The following CDH13 variants were observed in gnomAD, a reference collection of about 807,000 sequenced individuals.
CDH13 encodes the protein cadherin-13.
In CDH13, 24 loss-of-function variants were observed where a neutral mutation model predicts 63.8. The ratio of observed to expected loss-of-function variants is 0.38; its 90% confidence interval spans 0.27 to 0.53. CDH13 has a LOEUF of 0.53. Ranked by LOEUF, CDH13 falls within the 20% of genes least tolerant of loss-of-function variation. CDH13 has a pLI of 0.85. For synonymous variants in CDH13, 503 were observed against 355.3 expected, an observed-to-expected ratio of 1.42 and a Z score of -4.67; for missense variants, 1,049 against 903.1, an observed-to-expected ratio of 1.16 and a Z score of -2.07.
At chr16:83,180,572 C>A (rs2038310759) in intron 4 of CDH13, among the ~76,000 whole-genome samples, 1 of 152,156 alleles carries the variant, frequency 6.6e-6, no homozygotes, top group Admixed American at 6.5e-5. Flanking sequence ...TCTTCAGTTA[C>A]AACCTAAAAG....
chr16:82,671,212 C>T (rs1057061240), intron 1 of CDH13, among the ~76,000 whole-genome samples: 3 of 152,270 alleles, frequency 2.0e-5, no homozygotes, highest in Non-Finnish European at 4.4e-5. Flanking sequence ...GAAAAAAGAA[C>T]ACAACTGTGT....
chr16:83,560,163 G>C (rs1007844371), intron 7 of CDH13, among the ~76,000 whole-genome samples: 11 of 152,160 alleles, frequency 7.2e-5, no homozygotes, highest in African/African-American at 1.4e-4. Flanking sequence ...GCAAAGGCAA[G>C]AACGAGATAG....
intron 4 of CDH13, among the ~76,000 whole-genome samples, chr16:83,212,473 C>G (rs181437353): frequency 3.9e-5 from 6 of 152,294 alleles, no homozygotes; most frequent in East Asian, 1.9e-4. Context: ...CATGGGGTGC[C>G]TTTAACACAC....
chr16:83,472,141 G>T (rs551740046), intron 6 of CDH13, among the ~76,000 whole-genome samples: 1 of 152,264 alleles, frequency 6.6e-6, no homozygotes, highest in Non-Finnish European at 1.5e-5. Context: ...ACCCCATCAG[G>T]TGAAAACCAT....
At chr16:82,716,823 G>A (rs1012915357) in intron 1 of CDH13, among the ~76,000 whole-genome samples, 2 of 151,706 alleles carry the variant, frequency 1.3e-5, no homozygotes, top group African/African-American at 2.4e-5. Context: ...AGCCAAGCAC[G>A]TGATAACTAT....
intron 7 of CDH13, among the ~76,000 whole-genome samples, chr16:83,504,345 A>C (rs1371757417): frequency 6.6e-6 from 1 of 152,156 alleles, no homozygotes; most frequent in Non-Finnish European, 1.5e-5. Flanking sequence ...TTCTCTTCTG[A>C]AGATCTGCTG....
At chr16:83,140,600 C>T (rs1012570429) in intron 4 of CDH13, among the ~76,000 whole-genome samples, 6 of 152,088 alleles carry the variant, frequency 3.9e-5, no homozygotes, top group African/African-American at 1.4e-4. Flanking sequence ...ATTACAGGCG[C>T]CTGCCACCAT....
intron 2 of CDH13, among the ~76,000 whole-genome samples, chr16:82,979,106 A>G (rs944588387): frequency 1.3e-5 from 2 of 152,336 alleles, no homozygotes; most frequent in South Asian, 2.1e-4. Flanking sequence ...CTAGACTTGC[A>G]TGGGGCCTGT....
chr16:82,700,716 G>T (rs1286906957), intron 1 of CDH13, among the ~76,000 whole-genome samples: 1 of 152,046 alleles, frequency 6.6e-6, no homozygotes, highest in Non-Finnish European at 1.5e-5. Context: ...CCTGTTTTGA[G>T]TCTCACCCTC....
At chr16:83,435,776 G>A (rs1281103780) in intron 6 of CDH13, among the ~76,000 whole-genome samples, 1 of 152,168 alleles carries the variant, frequency 6.6e-6, no homozygotes, top group South Asian at 2.1e-4. Context: ...CCCTCTCTCC[G>A]TGTTCACTAG....
chr16:83,052,633 AG>A (rs2030467208), intron 3 of CDH13, among the ~76,000 whole-genome samples: 1 of 152,088 alleles, frequency 6.6e-6, no homozygotes, highest in African/African-American at 2.4e-5. Flanking sequence ...TACAAAAATT[AG>A]CCAGGCATGG....
intron 6 of CDH13, among the ~76,000 whole-genome samples, chr16:83,440,611 C>T (rs549166710): frequency 2.0e-5 from 3 of 152,048 alleles, no homozygotes; most frequent in African/African-American, 7.2e-5. Flanking sequence ...ATGGTGAAAC[C>T]GTATCTCTAC....
chr16:83,128,228 G>A (rs1021739258), intron 4 of CDH13, among the ~76,000 whole-genome samples: 1 of 152,140 alleles, frequency 6.6e-6, no homozygotes, highest in African/African-American at 2.4e-5. Context: ...AAATATCCGA[G>A]GTGATTCAGA....
At chr16:83,197,465 G>A (rs527946027) in intron 4 of CDH13, among the ~76,000 whole-genome samples, 22 of 152,170 alleles carry the variant, frequency 1.4e-4, no homozygotes, top group Non-Finnish European at 2.9e-4. Context: ...TGTTCACCCC[G>A]TTATGCTCTC....
At chr16:83,147,832 C>A (rs2036815494) in intron 4 of CDH13, among the ~76,000 whole-genome samples, 1 of 152,170 alleles carries the variant, frequency 6.6e-6, no homozygotes, top group Non-Finnish European at 1.5e-5. Context: ...TGGTCTCTGG[C>A]TCTGAGCACA....
intron 7 of CDH13, among the ~76,000 whole-genome samples, chr16:83,586,788 A>C (rs1273576743): frequency 1.3e-5 from 2 of 152,192 alleles, no homozygotes; most frequent in African/African-American, 4.8e-5. Flanking sequence ...TTCCAGAATA[A>C]TCTGTGGCCG....
At chr16:83,112,253 A>G (rs2035091860) in intron 3 of CDH13, among the ~76,000 whole-genome samples, 1 of 152,246 alleles carries the variant, frequency 6.6e-6, no homozygotes, top group Non-Finnish European at 1.5e-5. Flanking sequence ...TACTCTAGCA[A>G]ACCAGCAGTT....
chr16:83,238,523 A>G (rs560913046), intron 5 of CDH13, among the ~76,000 whole-genome samples: 2 of 152,290 alleles, frequency 1.3e-5, no homozygotes, highest in African/African-American at 4.8e-5. Flanking sequence ...CAGCCAAACC[A>G]TATCAGATGG....
chr16:83,295,034 C>T (rs550023655), intron 5 of CDH13, among the ~76,000 whole-genome samples: 1 of 152,072 alleles, frequency 6.6e-6, no homozygotes, highest in African/African-American at 2.4e-5. Context: ...ACAACAGACA[C>T]ATAGACCAAT....
Sources: gnomAD v4.1 joint callset for allele counts (sites outside exome capture counted in the v4.1 genomes callset) on GRCh38, gnomAD v4.1.1 for gene constraint, MANE v1.5 for transcripts, NCBI Gene and HGNC (gene_info 2026-07-23, HGNC 2026-07-21) for gene names.